Variants in RUSC2 observed in about 807,000 individuals in gnomAD.
RUSC2 encodes AP-4 complex accessory subunit RUSC2.
In RUSC2, 34 loss-of-function variants were observed where a neutral mutation model predicts 122.2. The observed-to-expected ratio is 0.28, with a 90% CI of 0.21 to 0.37. RUSC2 has a LOEUF of 0.37. Ranked by LOEUF, RUSC2 falls within the 10% of genes least tolerant of loss-of-function variation. The pLI, the probability that RUSC2 is intolerant of heterozygous loss-of-function variation, is 1.00. For missense variants in RUSC2, 1,747 were observed against 1,952.4 expected (o/e 0.89, Z 1.98); for synonymous variants, 784 against 790.0 (o/e 0.99, Z 0.13).
chr9:35,514,467 CAT>C, intron 1 of RUSC2, among the ~76,000 whole-genome samples: 1 of 152,042 alleles, frequency 6.6e-6, no homozygotes. Context: ...GGTTTTTAAG[CAT>C]GAAAGTGATA....
chr9:35,528,391 A>T (rs1821359823), intron 1 of RUSC2, among the ~76,000 whole-genome samples: 1 of 152,118 alleles, frequency 6.6e-6, no homozygotes, highest in Non-Finnish European at 1.5e-5. Flanking sequence ...TCCTTTAAAA[A>T]AAAAAAAGTA....
chr9:35,504,496 G>A (rs936233381), intron 1 of RUSC2, among the ~76,000 whole-genome samples: 9 of 141,120 alleles, frequency 6.4e-5, no homozygotes, highest in Admixed American at 1.5e-4. Flanking sequence ...ACGGAGTTTC[G>A]CTCTTGTTGC....
rs769741670 is a variant in RUSC2 at position 35,560,170 on chromosome 9, G to A, written c.3530G>A (p.Arg1177Gln). The change falls in exon 10 of 12, where the codon CGG becomes CAG. Residue 1177 changes from arginine (R) to glutamine (Q), a missense_variant. Transcript: ENST00000361226. ...AGCCTCGACTTGCTGTTCCAGCACC[G>A]GCTGCTGCAAAGTGGGCAGCAGCAG... ...PFSLDLLFQH[R>Q]LLQSGQQQRQ... 28 of 1,607,298 alleles carry A rather than the reference G, an allele frequency of 1.7e-5. No individual in the cohort carries two copies. The highest frequency in any genetic ancestry group is 2.2e-5 in the South Asian group (2 of 91,082).
chr9:35,555,035 TTTC>T lies in RUSC2; in HGVS notation c.2015-20_2015-18del, dbSNP rs1821978660. 1.2e-6 allele frequency: 2 copies of T among 1,607,182 alleles called. No individual in the cohort carries two copies. Among genetic ancestry groups the T allele is most frequent in the South Asian group, 1.1e-5 (1 of 91,070 alleles). On this transcript the variant is annotated intron_variant, in intron 2 of 11. Coordinates refer to ENST00000361226, the MANE Select transcript of RUSC2 (RefSeq NM_014806.5). This position sits in a 1 kb window ranked among gnomAD's most constrained non-coding sequence, Gnocchi z 4.6. ...ATGGGTTTCAGTGTCTGTCTACTGA[TTTC>T]TTCTCCATCCCTTTGCTACAGGGGG...
At chr9:35,559,374 G>GA in intron 9 of RUSC2, 102 bp downstream of exon 9, 1 of 973,162 alleles carries the variant, frequency 1.0e-6, no homozygotes, top group Non-Finnish European at 1.6e-6. Context: ...TGGGGAGGGG[G>GA]ACCACACAAG....
intron 1 of RUSC2, among the ~76,000 whole-genome samples, chr9:35,519,217 A>C (rs1821165872): frequency 6.6e-6 from 1 of 152,264 alleles, no homozygotes; most frequent in Non-Finnish European, 1.5e-5. Flanking sequence ...TTTGGGCAGT[A>C]ACCAGTAGAA....
chr9:35,504,469 C>CT (rs200556621), intron 1 of RUSC2, among the ~76,000 whole-genome samples: 24,135 of 140,286 alleles, frequency 0.17, 2,167 homozygotes, highest in Admixed American at 0.25. Flanking sequence ...GGTTTTTTTT[C>CT]TTTTTTTTTT....
At chr9:35,544,410 C>T (rs377723836) in intron 1 of RUSC2, among the ~76,000 whole-genome samples, 10 of 146,402 alleles carry the variant, frequency 6.8e-5, no homozygotes, top group African/African-American at 2.0e-4. Flanking sequence ...CTAGTTCAAG[C>T]GATTCTCCTG....
At chr9:35,506,609 C>G (rs970737850) in intron 1 of RUSC2, among the ~76,000 whole-genome samples, 2 of 152,164 alleles carry the variant, frequency 1.3e-5, no homozygotes, top group African/African-American at 4.8e-5. Context: ...CACAAAAGAT[C>G]TGATTAATTT....
chr9:35,504,468 T>TC (rs1236733519), intron 1 of RUSC2, among the ~76,000 whole-genome samples: 1 of 145,780 alleles, frequency 6.9e-6, no homozygotes, highest in Non-Finnish European at 1.5e-5. Flanking sequence ...GGGTTTTTTT[T>TC]CTTTTTTTTT....
chr9:35,516,391 G>A (rs2132511352), intron 1 of RUSC2, among the ~76,000 whole-genome samples: 1 of 152,190 alleles, frequency 6.6e-6, no homozygotes. Context: ...ATAGAATGGG[G>A]AGTGAGTTCA....
intron 1 of RUSC2, among the ~76,000 whole-genome samples, chr9:35,495,709 A>G (rs571494725): frequency 2.2e-4 from 33 of 152,264 alleles, no homozygotes; most frequent in African/African-American, 7.2e-4. Context: ...TGCAAAAAAC[A>G]TTGTTGGGAT....
At chr9:35,492,969 C>G (rs1036934403) in intron 1 of RUSC2, among the ~76,000 whole-genome samples, 1 of 151,646 alleles carries the variant, frequency 6.6e-6, no homozygotes, top group African/African-American at 2.4e-5. Context: ...AGCATAATGC[C>G]TTTTTTTGTT....
intron 1 of RUSC2, among the ~76,000 whole-genome samples, chr9:35,520,495 G>A (rs900224928): frequency 4.6e-5 from 7 of 152,120 alleles, no homozygotes; most frequent in Admixed American, 3.3e-4. Context: ...TTTACTGTGC[G>A]TATGTGGCCT....
intron 1 of RUSC2, among the ~76,000 whole-genome samples, chr9:35,541,074 G>A (rs577729299): frequency 6.6e-6 from 1 of 152,214 alleles, no homozygotes; most frequent in East Asian, 1.9e-4. Context: ...TTGGGACAAG[G>A]GCCAGGAAAA....
At chr9:35,502,537 G>C (rs1429940214) in intron 1 of RUSC2, among the ~76,000 whole-genome samples, 1 of 152,166 alleles carries the variant, frequency 6.6e-6, no homozygotes, top group Non-Finnish European at 1.5e-5. Context: ...AAGATTAAAA[G>C]TGTACATTTT....
chr9:35,513,539 A>C (rs1466986765), intron 1 of RUSC2, among the ~76,000 whole-genome samples: 1 of 151,762 alleles, frequency 6.6e-6, no homozygotes, highest in Non-Finnish European at 1.5e-5. Flanking sequence ...CACTGCACCC[A>C]ACCTGAGAGT....
chr9:35,539,591 A>G (rs1030932295), intron 1 of RUSC2, among the ~76,000 whole-genome samples: 6 of 152,048 alleles, frequency 3.9e-5, no homozygotes, highest in Non-Finnish European at 8.8e-5. Flanking sequence ...ATGCATGCAC[A>G]TAGCTATACA....
chr9:35,535,569 T>C (rs1468559580), intron 1 of RUSC2, among the ~76,000 whole-genome samples: 1 of 149,560 alleles, frequency 6.7e-6, no homozygotes, highest in Non-Finnish European at 1.5e-5. Flanking sequence ...CGGAGTCTCT[T>C]GCTCTGTAGC....
Sources: gnomAD v4.1 joint callset for allele counts (sites outside exome capture counted in the v4.1 genomes callset) on GRCh38, gnomAD v4.1.1 for gene constraint, Gnocchi (gnomAD v3.1) non-coding constraint, MANE v1.5 for transcripts, NCBI Gene and HGNC (gene_info 2026-07-23, HGNC 2026-07-21) for gene names.